The following RAB38 variants were observed in gnomAD, a reference collection of about 807,000 sequenced individuals.
RAB38 encodes ras-related protein Rab-38.
Under a neutral mutation model 18.4 loss-of-function variants are expected in RAB38, and 15 were observed. That is an observed-to-expected ratio of 0.82 (90% confidence interval 0.55 to 1.26). RAB38 has a LOEUF of 1.26. RAB38 is among the 50% of genes most tolerant of loss of function. The pLI is 0.00. For synonymous variants in RAB38, 101 were observed against 104.4 expected (o/e 0.97, Z 0.20); for missense variants, 294 against 267.4 (o/e 1.10, Z -0.69).
At chr11:88,107,569 AAT>A in the RAB38 span, among the ~76,000 whole-genome samples, 2 of 149,658 alleles carry the variant, frequency 1.3e-5, no homozygotes, top group African/African-American at 5.0e-5. Flanking sequence ...CAAAAAAAAA[AAT>A]ACCTCCTGGA....
At chr11:88,006,276 A>C in the RAB38 span, among the ~76,000 whole-genome samples, 1 of 151,600 alleles carries the variant, frequency 6.6e-6, no homozygotes, top group Admixed American at 6.6e-5. Context: ...AAAGATGACA[A>C]GTGTTAGCAA....
chr11:87,835,485 T>G, the RAB38 span, among the ~76,000 whole-genome samples: 7 of 152,216 alleles, frequency 4.6e-5, no homozygotes, highest in Non-Finnish European at 8.8e-5. Flanking sequence ...CCAAATTGTG[T>G]GTCCTCGCTT....
At chr11:87,899,341 T>C in the RAB38 span, among the ~76,000 whole-genome samples, 1 of 151,650 alleles carries the variant, frequency 6.6e-6, no homozygotes, top group Non-Finnish European at 1.5e-5. Flanking sequence ...TGTCTGGTAC[T>C]AGTCTAAAAA....
chr11:88,166,931 G>A (rs1298324832), intron 1 of RAB38: 3 of 152,138 alleles, frequency 2.0e-5, no homozygotes, highest in Admixed American at 2.0e-4. Flanking sequence ...TTAAGGCATT[G>A]ATACAATAGT....
At chr11:87,893,390 A>ATATATATTTTTTTTTTTT in the RAB38 span, among the ~76,000 whole-genome samples, 1 of 93,916 alleles carries the variant, frequency 1.1e-5, no homozygotes, top group African/African-American at 3.7e-5. Flanking sequence ...ATATATATAT[A>ATATATATTTTTTTTTTTT]TTTTTTTTTT....
the RAB38 span, among the ~76,000 whole-genome samples, chr11:87,913,916 T>C: frequency 6.6e-6 from 1 of 152,098 alleles, no homozygotes; most frequent in Admixed American, 6.6e-5. Context: ...TTCTTGGAAC[T>C]CTCAGCCTCC....
the RAB38 span, among the ~76,000 whole-genome samples, chr11:87,903,055 C>T: frequency 6.6e-6 from 1 of 150,898 alleles, no homozygotes; most frequent in East Asian, 1.9e-4. Context: ...TGATGTATTC[C>T]CATTATTTAT....
the RAB38 span, among the ~76,000 whole-genome samples, chr11:87,880,863 C>T: frequency 6.6e-6 from 1 of 151,832 alleles, no homozygotes; most frequent in East Asian, 2.0e-4. Context: ...GTGACAAGGA[C>T]AAGCCCTTTA....
At chr11:88,124,996 T>A (rs116951285) in intron 2 of RAB38, among the ~76,000 whole-genome samples, 1 of 152,328 alleles carries the variant, frequency 6.6e-6, no homozygotes, top group African/African-American at 2.4e-5. Context: ...TTAGAGATGA[T>A]GATGGACATG....
At chr11:88,063,975 A>C in the RAB38 span, among the ~76,000 whole-genome samples, 114,818 of 152,146 alleles carry the variant, frequency 0.75, 43,439 homozygotes, top group African/African-American at 0.78. Flanking sequence ...TTGCTACGAA[A>C]CAGTGTCCCG....
chr11:87,946,843 A>G, the RAB38 span, among the ~76,000 whole-genome samples: 4 of 152,344 alleles, frequency 2.6e-5, no homozygotes, highest in African/African-American at 9.6e-5. Flanking sequence ...TAGTGCCGCT[A>G]TAAACATATG....
At chr11:88,116,203 T>C (rs1000794961) in intron 2 of RAB38, among the ~76,000 whole-genome samples, 1 of 152,214 alleles carries the variant, frequency 6.6e-6, no homozygotes, top group African/African-American at 2.4e-5. Context: ...TCCGGAGCCC[T>C]GCCACTTGCT....
chr11:88,169,325 C>G (rs80127133), intron 1 of RAB38, among the ~76,000 whole-genome samples: 2,881 of 152,312 alleles, frequency 0.019, 95 homozygotes, highest in African/African-American at 0.067. Context: ...GGCAAATATG[C>G]ATACATTGTT....
chr11:87,963,703 G>C, the RAB38 span, among the ~76,000 whole-genome samples: 1 of 150,486 alleles, frequency 6.6e-6, no homozygotes, highest in Non-Finnish European at 1.5e-5. Flanking sequence ...CTGGAGTGCA[G>C]TGGTATGGTC....
chr11:87,949,947 T>C, the RAB38 span, among the ~76,000 whole-genome samples: 50 of 152,320 alleles, frequency 3.3e-4, no homozygotes, highest in South Asian at 0.01. Context: ...GATATCCTTG[T>C]TAACTTTCTG....
downstream of RAB38, among the ~76,000 whole-genome samples, chr11:88,111,338 T>C (rs566693774): frequency 6.6e-6 from 1 of 152,188 alleles, no homozygotes; most frequent in Non-Finnish European, 1.5e-5. Flanking sequence ...AGCAACCCCA[T>C]TTCCTTTTGA....
downstream of RAB38, among the ~76,000 whole-genome samples, chr11:88,110,265 G>GT (rs1174130752): frequency 1.3e-5 from 2 of 151,960 alleles, no homozygotes; most frequent in Non-Finnish European, 2.9e-5. Context: ...ACTAACACAG[G>GT]AACAGAAAAC....
the RAB38 span, among the ~76,000 whole-genome samples, chr11:87,840,294 A>T: frequency 6.6e-6 from 1 of 152,226 alleles, no homozygotes; most frequent in Non-Finnish European, 1.5e-5. Context: ...TATTTGCTTC[A>T]TGAAATTAAG....
At chr11:88,159,834 T>C (rs1438775922) in intron 1 of RAB38, among the ~76,000 whole-genome samples, 1 of 151,996 alleles carries the variant, frequency 6.6e-6, no homozygotes, top group African/African-American at 2.4e-5. Flanking sequence ...TAATTCAAGA[T>C]GGAATGAAGA....
Sources: gnomAD v4.1 joint callset for allele counts (sites outside exome capture counted in the v4.1 genomes callset) on GRCh38, gnomAD v4.1.1 for gene constraint, MANE v1.5 for transcripts, NCBI Gene and HGNC (gene_info 2026-07-23, HGNC 2026-07-21) for gene names.